The following SUPT16H variants were observed in gnomAD, a reference collection of about 807,000 sequenced individuals.
SUPT16H encodes the protein SPT16 homolog, facilitates chromatin remodeling subunit, also known as FACT complex subunit SPT16.
A neutral mutation model predicts 136.2 loss-of-function variants in SUPT16H; 24 were observed. The ratio of observed to expected loss-of-function variants is 0.18; its 90% CI spans 0.13 to 0.25. SUPT16H has a LOEUF of 0.25. Ranked by LOEUF, SUPT16H falls within the 10% of genes least tolerant of loss-of-function variation. The pLI, the probability that SUPT16H is intolerant of heterozygous loss-of-function variation, is 1.00. For missense variants in SUPT16H, 623 were observed against 1,270.2 expected (o/e 0.49, Z 7.74); for synonymous variants, 415 against 428.2 (o/e 0.97, Z 0.38).
chr14:21,375,356 G>A (rs1357206304), intron 1 of SUPT16H, among the ~76,000 whole-genome samples: 2 of 152,020 alleles, frequency 1.3e-5, no homozygotes, highest in African/African-American at 2.4e-5. Flanking sequence ...AGCTAATGAC[G>A]CTGAGCATCA....
At chr14:21,381,998 T>C (rs2139422257) in intron 1 of SUPT16H, among the ~76,000 whole-genome samples, 1 of 152,268 alleles carries the variant, frequency 6.6e-6, no homozygotes, top group South Asian at 2.1e-4. Context: ...AACACACCTA[T>C]ATATCCCACT....
In SUPT16H at chr14:21,368,238, C is replaced by T. The variant is rs199737165; in HGVS notation, c.955+31G>A. 3,813 of 1,588,948 alleles carry T rather than the reference C, an allele frequency of 2.4e-3. 75 individuals carry two copies. In the African/African-American group the frequency reaches 0.046, roughly 19 times the overall value. ...GGCCAATGACATTTTTGTTACACAA[C>T]TTTCAAACCTCCTTTTCTAAGGCAC... On this transcript the variant is annotated intron_variant, in intron 7 of 25. Coordinates refer to ENST00000216297, the MANE Select transcript of SUPT16H (RefSeq NM_007192.4).
intron 7 of SUPT16H, 112 bp from the exon 8 acceptor site, chr14:21,366,641 TAAAC>T: frequency 1.1e-6 from 1 of 936,692 alleles, no homozygotes; most frequent in Non-Finnish European, 1.6e-6. Context: ...AAGTGTGAAC[TAAAC>T]AGTCCACTCA....
chr14:21,368,210 C>T, intron 7 of SUPT16H, 59 bp downstream of exon 7: 8 of 1,547,956 alleles, frequency 5.2e-6, no homozygotes, highest in Non-Finnish European at 7.0e-6. Context: ...ACCCACAGCT[C>T]CCGGCCAATG....
At chr14:21,368,971 T>C (rs1886730620) in intron 6 of SUPT16H, among the ~76,000 whole-genome samples, 2 of 151,922 alleles carry the variant, frequency 1.3e-5, no homozygotes, top group African/African-American at 4.8e-5. Context: ...GGTACAAACA[T>C]AAAGTAAGAT....
intron 3 of SUPT16H, 95 bp downstream of exon 3, chr14:21,371,779 C>G (rs1256186470): frequency 1.0e-5 from 15 of 1,447,538 alleles, no homozygotes; most frequent in African/African-American, 2.9e-5. Context: ...CCTATAATTT[C>G]CCCTGCGCAT....
chr14:21,357,223 A>G lies in SUPT16H; in HGVS notation c.2634T>C (p.Ser878=), dbSNP rs761071431. 6.2e-7 allele frequency: 1 copy of G among 1,609,568 alleles called. No homozygotes were observed. Among genetic ancestry groups the G allele is most frequent in the South Asian group, 1.1e-5 (1 of 90,270 alleles). ...TCAACCATTCCTTGATGGGGTCAAG[A>G]GAGGCTACAGGAATGGCGTTGATCA... ...VTMINAIPVA[S]LDPIKEWLNS... Residue 878 remains serine (S), a synonymous_variant, in exon 22 of 26, where the codon TCT becomes TCC. Coordinates refer to ENST00000216297, the MANE Select transcript of SUPT16H (RefSeq NM_007192.4).
rs538383090 is a variant in SUPT16H at position 21,367,137 on chromosome 14, C to T, written c.956-608G>A. Among the ~76,000 whole-genome samples the T allele has an allele frequency of 5.0e-4, 76 of 152,250 alleles. 1 individual carries two copies. The East Asian group carries it at 7.3e-3, about 15-fold the overall frequency. On this transcript the variant is annotated intron_variant, in intron 7 of 25. Coordinates refer to ENST00000216297, the MANE Select transcript of SUPT16H (RefSeq NM_007192.4). ...TTTGTATTTTTAGTAGATGGGGTTTCGCCGTGTTAGCCAGGATGGTCCTGA... is the reference window on the plus strand; with the variant it reads ...TTTGTATTTTTAGTAGATGGGGTTTTGCCGTGTTAGCCAGGATGGTCCTGA...
At chr14:21,375,704 G>A (rs370536019) in intron 1 of SUPT16H, among the ~76,000 whole-genome samples, 12 of 152,068 alleles carry the variant, frequency 7.9e-5, no homozygotes, top group Non-Finnish European at 1.0e-4. Context: ...AGCAATTCTC[G>A]TGCTTCAGCA....
At chr14:21,366,149 G>A (rs1886661409) in intron 8 of SUPT16H, among the ~76,000 whole-genome samples, 1 of 152,152 alleles carries the variant, frequency 6.6e-6, no homozygotes. Context: ...AATGTGCACG[G>A]AGAGAGGAGA....
At chr14:21,372,221 A>G in intron 2 of SUPT16H, 177 bp from the exon 3 acceptor site, 1 of 617,552 alleles carries the variant, frequency 1.6e-6, no homozygotes, top group Non-Finnish European at 2.7e-6. Context: ...AGAGTCGACA[A>G]TTTATTAGAA....
At chr14:21,371,290 T>C (rs1290105155) in intron 3 of SUPT16H, among the ~76,000 whole-genome samples, 2 of 152,078 alleles carry the variant, frequency 1.3e-5, no homozygotes, top group East Asian at 3.9e-4. Context: ...TTGACCAGAC[T>C]ATTCCTTTTT....
At chr14:21,370,046 T>G in intron 4 of SUPT16H, 150 bp from the exon 5 acceptor site, 1 of 1,034,698 alleles carries the variant, frequency 9.7e-7, no homozygotes, top group East Asian at 2.6e-5. Context: ...CTTCTTGAAC[T>G]GAATAAACAT....
At chr14:21,353,450 G>T in intron 25 of SUPT16H, 38 bp downstream of exon 25, 1 of 1,580,130 alleles carries the variant, frequency 6.3e-7, no homozygotes, top group South Asian at 1.1e-5. Context: ...AAATTTGTGC[G>T]TAGACAAATG....
chr14:21,357,242 T>C lies in SUPT16H; in HGVS notation c.2615A>G (p.Asn872Ser), dbSNP rs534521870. Reference protein sequence around the residue: ...KDYSKKVTMINAIPVASLDPI... With the variant: ...KDYSKKVTMISAIPVASLDPI... Reference sequence around the variant, plus strand: ...GTCAAGAGAGGCTACAGGAATGGCGTTGATCATGGTCACTTTCTTGCTGTA... The same window carrying C: ...GTCAAGAGAGGCTACAGGAATGGCGCTGATCATGGTCACTTTCTTGCTGTA... The change falls in exon 22 of 26, where the codon AAC (asparagine) becomes AGC (serine). Residue 872 changes from asparagine to serine, a missense_variant. Coordinates refer to ENST00000216297, the MANE Select transcript of SUPT16H (RefSeq NM_007192.4). 3 of 1,612,326 alleles carry C rather than the reference T, an allele frequency of 1.9e-6. No individual in the cohort carries two copies. The highest frequency in any genetic ancestry group is 2.2e-5 in the South Asian group (2 of 90,744).
chr14:21,364,833 C>T lies in SUPT16H; in HGVS notation c.1227G>A (p.Val409=). 2.5e-6 allele frequency: 4 copies of T among 1,612,114 alleles called. No individual in the cohort carries two copies. Among genetic ancestry groups the T allele is most frequent in the Non-Finnish European group, 3.4e-6 (4 of 1,179,798 alleles). ...YALFIGDTVL[V]DEDGPATVLT... ...GTTTAGACACAATACACACCTCATC[C>T]ACAAGCACTGTGTCACCAATGAACA... The change falls in exon 10 of 26, where the codon GTG becomes GTA. Residue 409 remains valine (V), a synonymous_variant. Coordinates refer to ENST00000216297, the MANE Select transcript of SUPT16H (RefSeq NM_007192.4).
At chr14:21,356,896 C>T (rs924676891) in intron 22 of SUPT16H, among the ~76,000 whole-genome samples, 8 of 152,036 alleles carry the variant, frequency 5.3e-5, no homozygotes, top group Non-Finnish European at 8.8e-5. Flanking sequence ...GGGAGACCGA[C>T]GTGGGAGGAT....
intron 18 of SUPT16H, 46 bp from the exon 19 acceptor site, chr14:21,359,655 G>A: frequency 6.3e-7 from 1 of 1,594,952 alleles, no homozygotes; most frequent in Non-Finnish European, 8.5e-7. Context: ...AAACACAAAG[G>A]TATCTGTGAT....
At chr14:21,362,716 T>C in intron 14 of SUPT16H, 78 bp downstream of exon 14, 1 of 1,486,244 alleles carries the variant, frequency 6.7e-7, no homozygotes, top group East Asian at 2.3e-5. Context: ...ACATGATGAA[T>C]GCAGATTATT....
Sources: allele counts gnomAD v4.1 joint callset (sites outside exome capture counted in the v4.1 genomes callset), GRCh38; gene constraint gnomAD v4.1.1; transcripts MANE v1.5; gene names NCBI Gene and HGNC (gene_info 2026-07-23, HGNC 2026-07-21).